Variants in HOXC4 observed in about 807,000 individuals in gnomAD.
HOXC4 encodes the protein homeobox C4.
Under a neutral mutation model 25.5 loss-of-function variants are expected in HOXC4, and 15 were observed. The ratio of observed to expected loss-of-function variants is 0.59; its 90% CI spans 0.39 to 0.91. HOXC4 has a LOEUF of 0.91. Among genes scored for constraint, HOXC4 ranks in the 40% least tolerant of loss-of-function variants. The pLI is 0.00. For missense variants in HOXC4, 342 were observed against 352.4 expected (o/e 0.97, Z 0.24); for synonymous variants, 165 against 148.0 (o/e 1.11, Z -0.83).
At chr12:54,025,534 G>T (rs1035015914) in intron 1 of HOXC4, among the ~76,000 whole-genome samples, 3 of 51,168 alleles carry the variant, frequency 5.9e-5, no homozygotes, top group East Asian at 1.1e-3. Flanking sequence ...AATTGGGGGG[G>T]GGGGAGGTGT....
intron 1 of HOXC4, chr12:54,022,689 G>A (rs1461992470): frequency 6.6e-6 from 1 of 152,020 alleles, no homozygotes; most frequent in Non-Finnish European, 1.5e-5. Context: ...GGAGAAAGAG[G>A]GGGAAAGGAA....
chr12:54,043,125 G>A (rs1941301204), intron 1 of HOXC4, among the ~76,000 whole-genome samples: 1 of 152,208 alleles, frequency 6.6e-6, no homozygotes, highest in African/African-American at 2.4e-5. Context: ...CAGCCTCTAA[G>A]GACCACATTT....
chr12:54,029,697 A>G, intron 1 of HOXC4: 2 of 1,613,906 alleles, frequency 1.2e-6, no homozygotes, highest in Non-Finnish European at 1.7e-6. Context: ...CGCCAGATCT[A>G]CTCGCGGTAC....
At chr12:54,019,204 T>A (rs1028721188) in intron 1 of HOXC4, among the ~76,000 whole-genome samples, 1 of 115,074 alleles carries the variant, frequency 8.7e-6, no homozygotes, top group Non-Finnish European at 1.7e-5. Context: ...AGGACTTGTG[T>A]GTCGGCAGAG....
chr12:54,033,971 G>T (rs1767943898), intron 1 of HOXC4: 5 of 554,148 alleles, frequency 9.0e-6, no homozygotes, highest in South Asian at 7.3e-5. Flanking sequence ...CGGGAGGGGG[G>T]TCCCCGGTGC....
In HOXC4 at chr12:54,019,156, C is replaced by A. The variant is rs1338111354; in HGVS notation, c.-124+1742C>A. The stretch of plus-strand genomic sequence containing the variant: ...GGTATTCTCCCGCGGGAAGAAATGG[C>A]ATTTTCTCTCCCCCTCCCCCACCCC... On this transcript the variant is annotated intron_variant, in intron 1 of 3. Coordinates refer to the HOXC4 transcript ENST00000303406. Among the ~76,000 whole-genome samples the A allele has an allele frequency of 2.7e-5, 4 of 147,226 alleles. No individual in the cohort carries two copies. The Admixed American group carries it at 2.7e-4, about 10-fold the overall frequency.
upstream of HOXC4, among the ~76,000 whole-genome samples, chr12:54,049,761 C>T (rs1029463038): frequency 4.9e-3 from 716 of 145,784 alleles, 5 homozygotes; most frequent in African/African-American, 0.017. Context: ...CACACACACA[C>T]ACACACACAC....
intron 1 of HOXC4, chr12:54,028,992 A>ACGGG (rs1592232177): frequency 2.8e-6 from 4 of 1,452,646 alleles, no homozygotes; most frequent in Non-Finnish European, 3.7e-6. Flanking sequence ...CCCTAGAAGA[A>ACGGG]CGGGCGGAGA....
chr12:54,033,636 G>A, intron 1 of HOXC4: 1 of 1,365,926 alleles, frequency 7.3e-7, no homozygotes, highest in Non-Finnish European at 9.7e-7. Flanking sequence ...AGGCCATGCG[G>A]GGCAAATAAA....
At chr12:54,034,667 G>C (rs1941134154) in intron 1 of HOXC4, 10 of 602,084 alleles carry the variant, frequency 1.7e-5, no homozygotes, top group South Asian at 1.6e-4. Context: ...ACCGACCCAG[G>C]GTTCCCGCGG....
intron 1 of HOXC4, among the ~76,000 whole-genome samples, chr12:54,026,990 C>T (rs1441714811): frequency 6.7e-6 from 1 of 149,324 alleles, no homozygotes; most frequent in Admixed American, 6.7e-5. Context: ...TGAGCTTTCT[C>T]TGCTCCCCGC....
At chr12:54,029,403 G>GCCC (rs1234645036) in intron 1 of HOXC4, among the ~76,000 whole-genome samples, 8 of 58,860 alleles carry the variant, frequency 1.4e-4, no homozygotes, top group South Asian at 7.0e-4. Flanking sequence ...CTTTTGCCCC[G>GCCC]CCCCCCCGCC....
At chr12:54,034,639 T>C in intron 1 of HOXC4, 1 of 660,194 alleles carries the variant, frequency 1.5e-6, no homozygotes, top group South Asian at 1.9e-5. Context: ...GCGCTTTTCC[T>C]TGGCATTCCG....
chr12:54,049,358 C>T (rs1444150552), upstream of HOXC4, among the ~76,000 whole-genome samples: 1 of 152,152 alleles, frequency 6.6e-6, no homozygotes, highest in Non-Finnish European at 1.5e-5. Flanking sequence ...CTCTGTCTAA[C>T]CAATATTAAA....
chr12:54,027,448 G>A (rs1202769194), intron 1 of HOXC4, among the ~76,000 whole-genome samples: 2 of 152,150 alleles, frequency 1.3e-5, no homozygotes, highest in African/African-American at 4.8e-5. Context: ...CTTTCTGGCT[G>A]GATCCTATGT....
intron 1 of HOXC4, chr12:54,035,391 T>A (rs1013388712): frequency 5.2e-5 from 8 of 152,606 alleles, no homozygotes; most frequent in Admixed American, 5.2e-4. Flanking sequence ...GTTTGGGGCA[T>A]GTATTGGGTA....
intron 1 of HOXC4, 120 bp downstream of exon 1, chr12:54,054,481 C>A: frequency 1.5e-6 from 1 of 671,754 alleles, no homozygotes; most frequent in Non-Finnish European, 2.5e-6. Flanking sequence ...TCTCCAGGAG[C>A]GACTCTGGGT....
intron 1 of HOXC4, among the ~76,000 whole-genome samples, chr12:54,043,982 GGGTCA>G (rs1333913735): frequency 6.7e-6 from 1 of 149,638 alleles, no homozygotes; most frequent in Non-Finnish European, 1.5e-5. Flanking sequence ...GGAGTAGTAA[GGGTCA>G]GGTCTTTCAT....
chr12:54,037,182 C>T (rs1175521246), intron 1 of HOXC4, among the ~76,000 whole-genome samples: 1 of 152,220 alleles, frequency 6.6e-6, no homozygotes, highest in African/African-American at 2.4e-5. Context: ...GCAACCAAGC[C>T]AGAGGCCTCG....
Sources: allele counts gnomAD v4.1 joint callset (sites outside exome capture counted in the v4.1 genomes callset), GRCh38; gene constraint gnomAD v4.1.1; transcripts MANE v1.5; gene names NCBI Gene and HGNC (gene_info 2026-07-23, HGNC 2026-07-21).